RANBP2: variants seen among roughly 807,000 people sequenced by gnomAD.
The protein encoded by RANBP2 is E3 SUMO-protein ligase RanBP2.
RANBP2 carries 57 observed loss-of-function variants against 303.6 expected under a neutral mutation model. The observed-to-expected ratio is 0.19, with a 90% CI of 0.15 to 0.23. The LOEUF is 0.23. Ranked by LOEUF, RANBP2 falls within the 10% of genes least tolerant of loss-of-function variation. The probability of loss-of-function intolerance (pLI) is 1.00; values close to 1 mark genes in which losing one functional copy is unlikely to be tolerated. For missense variants in RANBP2, 3,138 were observed against 3,780.8 expected (o/e 0.83, Z 4.46); for synonymous variants, 1,167 against 1,301.5 (o/e 0.90, Z 2.23).
chr2:109,534,402 A>G, the RANBP2 span, among the ~76,000 whole-genome samples: 1 of 152,184 alleles, frequency 6.6e-6, no homozygotes, highest in East Asian at 1.9e-4. Context: ...AGCAATCTGA[A>G]AATTACAAAA....
chr2:109,357,442 A>G, the RANBP2 span, among the ~76,000 whole-genome samples: 42,630 of 152,142 alleles, frequency 0.28, 6,913 homozygotes, highest in Non-Finnish European at 0.37. Context: ...CGGCCTCCCA[A>G]AGTGCTGGGA....
At chr2:109,642,376 T>C in the RANBP2 span, among the ~76,000 whole-genome samples, 1 of 152,222 alleles carries the variant, frequency 6.6e-6, no homozygotes. Flanking sequence ...GTGCTATGTG[T>C]GCTAAAAAGC....
At chr2:109,124,936 T>A in the RANBP2 span, among the ~76,000 whole-genome samples, 1 of 152,200 alleles carries the variant, frequency 6.6e-6, no homozygotes. Flanking sequence ...TTATCGTAAA[T>A]AATGTGCATC....
At chr2:108,856,093 C>CT in the RANBP2 span, among the ~76,000 whole-genome samples, 1 of 152,174 alleles carries the variant, frequency 6.6e-6, no homozygotes, top group African/African-American at 2.4e-5. Flanking sequence ...TATCTTACTA[C>CT]TTCATTTGCA....
chr2:108,980,099 G>A, the RANBP2 span, among the ~76,000 whole-genome samples: 17 of 149,832 alleles, frequency 1.1e-4, no homozygotes, highest in African/African-American at 4.2e-4. Context: ...ATGGTGTGGG[G>A]TGGGGTGGGG....
chr2:109,116,486 T>A, the RANBP2 span, among the ~76,000 whole-genome samples: 1 of 152,210 alleles, frequency 6.6e-6, no homozygotes, highest in Admixed American at 6.5e-5. Context: ...CTCCATCAGC[T>A]CCTTTAAGCA....
the RANBP2 span, among the ~76,000 whole-genome samples, chr2:109,162,796 C>T: frequency 6.6e-6 from 1 of 152,230 alleles, no homozygotes; most frequent in Non-Finnish European, 1.5e-5. Context: ...CCCGAGGAAT[C>T]ACCTTTTAAC....
intron 4 of RANBP2, among the ~76,000 whole-genome samples, chr2:108,732,963 A>G (rs1695292721): frequency 6.6e-6 from 1 of 152,088 alleles, no homozygotes; most frequent in Non-Finnish European, 1.5e-5. Context: ...AGCTGGGACT[A>G]CAGGCACGTG....
the RANBP2 span, among the ~76,000 whole-genome samples, chr2:109,690,332 G>C: frequency 1.3e-5 from 2 of 152,176 alleles, no homozygotes; most frequent in Non-Finnish European, 2.9e-5. Context: ...AAAGTTGTGG[G>C]AGCACTTCCA....
the RANBP2 span, among the ~76,000 whole-genome samples, chr2:109,550,764 A>C: frequency 6.6e-6 from 1 of 152,076 alleles, no homozygotes; most frequent in East Asian, 1.9e-4. Flanking sequence ...AAATTCCCTC[A>C]ACCAGGGCTC....
At chr2:109,240,132 G>T in the RANBP2 span, among the ~76,000 whole-genome samples, 1 of 152,166 alleles carries the variant, frequency 6.6e-6, no homozygotes, top group African/African-American at 2.4e-5. Context: ...TCTAGACTTG[G>T]CACTGCCCTC....
chr2:108,928,380 G>C, the RANBP2 span, among the ~76,000 whole-genome samples: 1 of 152,050 alleles, frequency 6.6e-6, no homozygotes, highest in Non-Finnish European at 1.5e-5. Flanking sequence ...CAACTCCTAG[G>C]ACACTCTGAG....
chr2:109,631,914 T>TA, the RANBP2 span, among the ~76,000 whole-genome samples: 1 of 152,204 alleles, frequency 6.6e-6, no homozygotes, highest in East Asian at 1.9e-4. Context: ...GGTGGAACCC[T>TA]AGACAGCCTC....
downstream of RANBP2, chr2:108,788,089 G>A (rs755784891): frequency 2.5e-6 from 4 of 1,601,554 alleles, no homozygotes; most frequent in Admixed American, 3.5e-5. Context: ...AACCTCCCCA[G>A]GTAAGCCGGT....
At chr2:109,347,607 G>A in the RANBP2 span, 15 of 1,558,382 alleles carry the variant, frequency 9.6e-6, no homozygotes, top group Admixed American at 1.8e-5. Flanking sequence ...GGCCTGCCCC[G>A]GCAGATCCAC....
At chr2:109,663,670 C>G in the RANBP2 span, among the ~76,000 whole-genome samples, 1 of 152,216 alleles carries the variant, frequency 6.6e-6, no homozygotes, top group Admixed American at 6.5e-5. Flanking sequence ...GCTGGAATGT[C>G]TGCAGAAATT....
chr2:109,305,440 C>G, the RANBP2 span, among the ~76,000 whole-genome samples: 1 of 152,160 alleles, frequency 6.6e-6, no homozygotes, highest in Non-Finnish European at 1.5e-5. Flanking sequence ...ATTTCCCTGT[C>G]TCCAGCCCAG....
At chr2:108,853,899 ATT>A in the RANBP2 span, among the ~76,000 whole-genome samples, 1 of 120,164 alleles carries the variant, frequency 8.3e-6, no homozygotes, top group African/African-American at 3.6e-5. Flanking sequence ...TAGTATATAT[ATT>A]ATATATTATA....
At chr2:109,079,810 G>A in the RANBP2 span, among the ~76,000 whole-genome samples, 14 of 152,318 alleles carry the variant, frequency 9.2e-5, no homozygotes, top group Middle Eastern at 0.027. Flanking sequence ...TCCAGGAGGG[G>A]TAGGAATTCT....
Sources: gnomAD v4.1 joint callset for allele counts (sites outside exome capture counted in the v4.1 genomes callset) on GRCh38, gnomAD v4.1.1 for gene constraint, MANE v1.5 for transcripts, NCBI Gene and HGNC (gene_info 2026-07-23, HGNC 2026-07-21) for gene names.